TRMT44: variants seen among roughly 807,000 people sequenced by gnomAD.
TRMT44 encodes tRNA methyltransferase 44 homolog.
TRMT44 carries 78 observed loss-of-function variants against 77.3 expected under a neutral mutation model. That is an observed-to-expected ratio of 1.01 (90% CI 0.84 to 1.22). The LOEUF (loss-of-function observed/expected upper bound fraction) is 1.22. Among genes scored for constraint, TRMT44 ranks in the 50% most tolerant of loss-of-function variants. TRMT44 has a pLI of 0.00. For missense variants in TRMT44, 1,090 were observed against 964.4 expected (o/e 1.13, Z -1.73); for synonymous variants, 391 against 383.3 (o/e 1.02, Z -0.23).
In TRMT44 at chr4:8,475,071, T is replaced by C. The variant is rs1727286844; in HGVS notation, c.2045-701T>C. Among the ~76,000 whole-genome samples, 7 of 152,328 alleles carry C rather than the reference T, an allele frequency of 4.6e-5. No homozygotes were observed. In the South Asian group the frequency reaches 1.4e-3, roughly 32 times the overall value. On this transcript the variant is annotated intron_variant, in intron 10 of 10. Transcript: ENST00000389737. Reference sequence around the variant, plus strand: ...TCCTGTTCCAGAGCTCATTGGCCTCTGTTACTCCACACTTGCACCTGGAGG... The same window carrying C: ...TCCTGTTCCAGAGCTCATTGGCCTCCGTTACTCCACACTTGCACCTGGAGG...
At position 8,441,303 on chromosome 4, in the gene TRMT44, C is replaced by T; in HGVS notation, c.481C>T (p.Leu161=). ...QSLARGNSEL[L]AFLTSSGAGS... is the part of the protein sequence containing the mutation. Reference sequence around the variant, plus strand: ...TCTCGCCCGTGGCAATTCGGAGTTGCTGGCCTTCCTCACCAGCTCCGGGGC... The same window carrying T: ...TCTCGCCCGTGGCAATTCGGAGTTGTTGGCCTTCCTCACCAGCTCCGGGGC... Residue 161 remains leucine, a synonymous_variant, in exon 1 of 11, where the codon CTG becomes TTG. Coordinates refer to ENST00000389737, the MANE Select transcript of TRMT44 (RefSeq NM_152544.3). 6.5e-7 allele frequency: 1 copy of T among 1,535,636 alleles called. No individual in the cohort carries two copies. Among genetic ancestry groups the T allele is most frequent in the Non-Finnish European group, 8.7e-7 (1 of 1,146,708 alleles).
rs1725543661 is a variant in TRMT44 at position 8,452,889 on chromosome 4, G to A, written c.1031G>A (p.Trp344Ter). The A allele has an allele frequency of 6.6e-7, 1 of 1,524,276 alleles. No homozygotes were observed. Among genetic ancestry groups the A allele is most frequent in the African/African-American group, 1.4e-5 (1 of 72,282 alleles). The allele number at this position is 1,524,276 out of a possible 1,614,324, so 94.4% of individuals were successfully genotyped here. The change falls in exon 5 of 11, where the codon TGG (tryptophan) becomes TAG (stop). Residue 344 changes from tryptophan to a stop codon, truncating the protein, a stop_gained. Coordinates refer to ENST00000389737, the MANE Select transcript of TRMT44 (RefSeq NM_152544.3). LOFTEE classifies it high-confidence loss of function. This position sits in a 1 kb window ranked among gnomAD's most constrained non-coding sequence, Gnocchi z 5.7. ...GTTTTTCTCTTCACTTAGATTCTAT[G>A]GGAAGAAGAAAGGGCTGAGAGGAGA... ...VAIAAYLLIL[W>*]EEERAERRLT...
intron 9 of TRMT44, among the ~76,000 whole-genome samples, chr4:8,469,216 C>T (rs564642280): frequency 2.0e-5 from 3 of 152,324 alleles, no homozygotes; most frequent in East Asian, 3.9e-4. Context: ...AGAAATCATT[C>T]GAACCTGATG....
At chr4:8,514,574 C>A in the TRMT44 span, among the ~76,000 whole-genome samples, 1 of 152,084 alleles carries the variant, frequency 6.6e-6, no homozygotes, top group East Asian at 1.9e-4. Flanking sequence ...ACTGCGTGCA[C>A]TACCTTTTAC....
chr4:8,474,104 G>A (rs947923896), intron 10 of TRMT44, among the ~76,000 whole-genome samples: 9 of 152,136 alleles, frequency 5.9e-5, no homozygotes, highest in African/African-American at 2.2e-4. Flanking sequence ...GGCTGGCTCT[G>A]AGGGGAATCT....
the TRMT44 span, among the ~76,000 whole-genome samples, chr4:8,501,758 C>T: frequency 6.6e-6 from 1 of 152,084 alleles, no homozygotes; most frequent in Non-Finnish European, 1.5e-5. This position sits in a 1 kb window ranked among gnomAD's most constrained non-coding sequence, Gnocchi z 4.4. Flanking sequence ...AGTTGGGGCC[C>T]TCAGTGACTG....
chr4:8,448,327 T>C (rs755928996), intron 2 of TRMT44, among the ~76,000 whole-genome samples: 13 of 152,154 alleles, frequency 8.5e-5, no homozygotes, highest in Non-Finnish European at 1.3e-4. Context: ...CAGCGGGAAG[T>C]GAGTCTCCTG....
In TRMT44 at chr4:8,475,835, C is replaced by G. The variant is rs139858049; in HGVS notation, c.2108C>G (p.Pro703Arg). ...GAGACACTGTGGAAGACAAAGCAACCGGAAGCGAAACAGAGACTGCTCTCT... is the reference window on the plus strand; with the variant it reads ...GAGACACTGTGGAAGACAAAGCAACGGGAAGCGAAACAGAGACTGCTCTCT... ...REETLWKTKQ[P>R]EAKQRLLSEA... Residue 703 changes from proline (P) to arginine (R), a missense_variant, in exon 11 of 11, where the codon CCG becomes CGG. Coordinates refer to ENST00000389737, the MANE Select transcript of TRMT44 (RefSeq NM_152544.3). 9 of 1,614,058 alleles carry G rather than the reference C, an allele frequency of 5.6e-6. No homozygotes were observed. In the African/African-American group the frequency reaches 6.7e-5, roughly 12 times the overall value.
At position 8,451,777 on chromosome 4, in the gene TRMT44, G is replaced by C. The variant is rs1397531710; in HGVS notation, c.955-183G>C. Among the ~76,000 whole-genome samples the C allele has an allele frequency of 1.3e-5, 2 of 152,158 alleles. No homozygotes were observed. The highest frequency in any genetic ancestry group is 2.9e-5 in the Non-Finnish European group (2 of 68,030). Reference sequence around the variant, plus strand: ...GATTGGATTGTTCTTGGCATGCCTTGTTTCTTTATGTAAATCTTTTATTGT... The same window carrying C: ...GATTGGATTGTTCTTGGCATGCCTTCTTTCTTTATGTAAATCTTTTATTGT... On this transcript the variant is annotated intron_variant, in intron 3 of 10. Transcript: ENST00000389737. This position sits in a 1 kb window ranked among gnomAD's most constrained non-coding sequence, Gnocchi z 4.1.
chr4:8,463,872 TGCG>T (rs774451052), intron 6 of TRMT44, 110 bp from the exon 7 acceptor site: 1 of 809,036 alleles, frequency 1.2e-6, no homozygotes. Flanking sequence ...GCAGGTGAAC[TGCG>T]GCTCTGCGCT....
downstream of TRMT44, among the ~76,000 whole-genome samples, chr4:8,496,398 A>G (rs1281629657): frequency 6.6e-6 from 1 of 152,166 alleles, no homozygotes; most frequent in Non-Finnish European, 1.5e-5. Flanking sequence ...CACCTTGGTC[A>G]CCTCATCTGT....
Position 8,452,484 on chromosome 4 carries a change from C to T in TRMT44, c.1024-398C>T, listed in dbSNP as rs1389686748. ...TTTGGTGGCTCAAGCCTGTAATTCC[C>T]AGCACTTCGGGAGGCCGAGGCGGGC... On this transcript the variant is annotated intron_variant, in intron 4 of 10. Transcript: ENST00000389737. The surrounding 1 kb of genome is among the most constrained non-coding windows in gnomAD (Gnocchi z 5.7). 6.6e-6 allele frequency among the ~76,000 whole-genome samples: 1 copy of T among 152,240 alleles called. No homozygotes were observed. The highest frequency in any genetic ancestry group is 1.9e-4 in the East Asian group (1 of 5,196).
Position 8,446,580 on chromosome 4 carries a change from A to G in TRMT44, c.724A>G (p.Lys242Glu). 1 of 1,533,728 alleles carries G rather than the reference A, an allele frequency of 6.5e-7. No individual in the cohort carries two copies. Among genetic ancestry groups the G allele is most frequent in the Non-Finnish European group, 8.7e-7 (1 of 1,144,648 alleles). Residue 242 changes from lysine to glutamate, a missense_variant, in exon 2 of 11, where the codon AAA becomes GAA. Transcript: ENST00000389737. This position sits in a 1 kb window ranked among gnomAD's most constrained non-coding sequence, Gnocchi z 4.3. Reference sequence around the variant, plus strand: ...GTATCAAATTCAGCTCAGTCATAGCAAAGAAGAATGGTAAGAGCTGGACAG... The same window carrying G: ...GTATCAAATTCAGCTCAGTCATAGCGAAGAAGAATGGTAAGAGCTGGACAG... Reference protein sequence around the residue: ...NVYQIQLSHSKEEWFISVLIF... With the variant: ...NVYQIQLSHSEEEWFISVLIF...
chr4:8,465,677 C>A, intron 8 of TRMT44, 116 bp downstream of exon 8: 2 of 929,106 alleles, frequency 2.2e-6, no homozygotes, highest in Non-Finnish European at 3.2e-6. Context: ...CTAGAACGTG[C>A]CGGTGCTGAT....
At chr4:8,454,403 T>A (rs1050242324) in intron 5 of TRMT44, 7 of 278,028 alleles carry the variant, frequency 2.5e-5, no homozygotes, top group African/African-American at 1.5e-4. Flanking sequence ...AAGGGCACTG[T>A]AACAACCATT....
At chr4:8,503,284 C>T in the TRMT44 span, among the ~76,000 whole-genome samples, 1 of 152,362 alleles carries the variant, frequency 6.6e-6, no homozygotes, top group South Asian at 2.1e-4. Context: ...CAAGCTGTCC[C>T]CTACAGCCCC....
chr4:8,490,705 T>G (rs1727974005), intron 2 of TRMT44, among the ~76,000 whole-genome samples: 1 of 152,162 alleles, frequency 6.6e-6, no homozygotes. Context: ...CAAGATTTAT[T>G]GCAAAGAGCG....
chr4:8,492,658 A>G (rs562330388), intron 2 of TRMT44, among the ~76,000 whole-genome samples: 1 of 152,354 alleles, frequency 6.6e-6, no homozygotes, highest in East Asian at 1.9e-4. Flanking sequence ...AAAAAGCTAC[A>G]TACCTCCCTC....
intron 2 of TRMT44, among the ~76,000 whole-genome samples, chr4:8,490,986 C>T (rs1032612281): frequency 3.3e-5 from 5 of 152,086 alleles, no homozygotes; most frequent in African/African-American, 4.8e-5. Context: ...TAGAGAGTGT[C>T]GACTGGTGCA....
Sources: gnomAD v4.1 joint callset for allele counts (sites outside exome capture counted in the v4.1 genomes callset) on GRCh38, gnomAD v4.1.1 for gene constraint, Gnocchi (gnomAD v3.1) non-coding constraint, MANE v1.5 for transcripts, NCBI Gene and HGNC (gene_info 2026-07-23, HGNC 2026-07-21) for gene names.